Variants in ARHGAP29 observed in about 807,000 individuals in gnomAD.
ARHGAP29 encodes the protein Rho GTPase activating protein 29.
ARHGAP29 carries 43 observed loss-of-function variants against 122.6 expected under a neutral mutation model. That is an observed-to-expected ratio of 0.35 (90% CI 0.27 to 0.45). ARHGAP29 has a LOEUF of 0.45. Among genes scored for constraint, ARHGAP29 ranks in the 20% least tolerant of loss-of-function variants. The pLI is 1.00. For synonymous variants in ARHGAP29, 506 were observed against 497.1 expected (o/e 1.02, Z -0.24); for missense variants, 1,303 against 1,477.2 (o/e 0.88, Z 1.93).
At chr1:94,259,988 CTCTACGGAGTT>C (rs1654496651) in intron 1 of ARHGAP29, among the ~76,000 whole-genome samples, 1 of 152,152 alleles carries the variant, frequency 6.6e-6, no homozygotes, top group African/African-American at 2.4e-5. Context: ...ATGCAAAAGT[CTCTACGGAGTT>C]TCTGTAGAGG....
At chr1:94,226,708 G>C (rs2101601930) in intron 2 of ARHGAP29, among the ~76,000 whole-genome samples, 1 of 151,460 alleles carries the variant, frequency 6.6e-6, no homozygotes, top group East Asian at 1.9e-4. Context: ...ACTGGTACAG[G>C]TGTAATAAAT....
chr1:94,301,259 T>C, the ARHGAP29 span, among the ~76,000 whole-genome samples: 1 of 152,224 alleles, frequency 6.6e-6, no homozygotes, highest in African/African-American at 2.4e-5. Context: ...TCTAGTGAAT[T>C]AGTCAGTTTC....
At chr1:94,308,767 G>C in the ARHGAP29 span, among the ~76,000 whole-genome samples, 5 of 152,278 alleles carry the variant, frequency 3.3e-5, no homozygotes, top group Admixed American at 2.0e-4. Context: ...CTCCCCTGAG[G>C]CTCTGTGGTG....
chr1:94,184,310 T>A (rs183728155), intron 18 of ARHGAP29, 22 bp from the exon 19 acceptor site: 488 of 1,581,208 alleles, frequency 3.1e-4, no homozygotes, highest in Admixed American at 8.5e-4. Flanking sequence ...AAGAAAAAAA[T>A]TTTGCAAAAT....
Position 94,203,946 on chromosome 1 carries a change from G to T in ARHGAP29, c.746C>A (p.Thr249Asn), listed in dbSNP as rs776437130. ...AACACTTACCTGAATTCCAATGTTA[G>T]TTCTAGTTGCCTCTGCCAACTTGAC... ...NMVKLAEATRTNIGIQEFMPL... is the reference protein window; with the variant it reads ...NMVKLAEATRNNIGIQEFMPL... The change falls in exon 8 of 23, where the codon ACT becomes AAT. Residue 249 changes from threonine to asparagine, a missense_variant. By Grantham distance (65) the Thr-to-Asn change is moderately conservative. Coordinates refer to ENST00000260526, the MANE Select transcript of ARHGAP29 (RefSeq NM_004815.4). The T allele has an allele frequency of 1.9e-6, 3 of 1,613,784 alleles. No homozygotes were observed.
chr1:94,201,506 TTCTCTCTCTC>T (rs111304569), intron 12 of ARHGAP29, among the ~76,000 whole-genome samples: 3 of 141,298 alleles, frequency 2.1e-5, no homozygotes, highest in Admixed American at 7.2e-5. Context: ...CCTTCCTTCC[TTCTCTCTCTC>T]TCTCTCTCTC....
At chr1:94,175,833 T>A (rs898687111) in intron 22 of ARHGAP29, among the ~76,000 whole-genome samples, 1 of 152,024 alleles carries the variant, frequency 6.6e-6, no homozygotes, top group Non-Finnish European at 1.5e-5. Flanking sequence ...CCCTCCTGAG[T>A]AGCTGAGATT....
At chr1:94,274,145 G>C (rs1463145682) in intron 1 of ARHGAP29, among the ~76,000 whole-genome samples, 1 of 152,178 alleles carries the variant, frequency 6.6e-6, no homozygotes, top group East Asian at 1.9e-4. Flanking sequence ...TCTAGGGCAG[G>C]AGTTGGCAAA....
chr1:94,282,741 G>A, the ARHGAP29 span, among the ~76,000 whole-genome samples: 2 of 152,266 alleles, frequency 1.3e-5, no homozygotes, highest in South Asian at 4.1e-4. Context: ...TCTGGATGAT[G>A]AGAGGGGAAG....
rs1161982583 is a variant in ARHGAP29 at position 94,172,211 on chromosome 1, T to A, written c.*1658A>T. ...AGTTTCCTTATCTGTAACACAGAAA[T>A]AATAACATGCTTACCCACCCATTAT... On this transcript the variant is annotated 3_prime_UTR_variant, in exon 23 of 23. Coordinates refer to ENST00000260526, the MANE Select transcript of ARHGAP29 (RefSeq NM_004815.4). 2.0e-5 allele frequency: 3 copies of A among 152,144 alleles called. No homozygotes were observed. The highest frequency in any genetic ancestry group is 4.8e-5 in the African/African-American group (2 of 41,440). The allele number at this position is 152,144 out of a possible 1,614,324, so 9.4% of individuals were successfully genotyped here. A position where few individuals can be genotyped will look rare whatever the true frequency, so the allele number is the denominator to read the frequency against.
chr1:94,284,828 G>T, the ARHGAP29 span, among the ~76,000 whole-genome samples: 1 of 152,160 alleles, frequency 6.6e-6, no homozygotes, highest in Admixed American at 6.6e-5. Flanking sequence ...TAAGCCTTGG[G>T]CACAGAAGAA....
At chr1:94,194,305 T>C (rs1650308704) in intron 12 of ARHGAP29, 1 of 152,218 alleles carries the variant, frequency 6.6e-6, no homozygotes, top group South Asian at 2.1e-4. Flanking sequence ...AGAACTTCTA[T>C]TTCTGTTCCA....
intron 3 of ARHGAP29, among the ~76,000 whole-genome samples, chr1:94,220,021 GTT>G (rs1652196816): frequency 6.6e-6 from 1 of 152,170 alleles, no homozygotes; most frequent in Non-Finnish European, 1.5e-5. Flanking sequence ...CAGTTGTTTG[GTT>G]AAAGTTAAGT....
chr1:94,188,968 C>T, intron 14 of ARHGAP29, 27 bp from the exon 15 acceptor site: 1 of 1,597,822 alleles, frequency 6.3e-7, no homozygotes, highest in South Asian at 1.1e-5. Context: ...AAAGTCAAAA[C>T]TTGGCTACAG....
rs1650037609 is a variant in ARHGAP29, at chr1:94,189,956, G to A, written c.1409C>T (p.Thr470Ile). 1 of 1,613,142 alleles carries A rather than the reference G, an allele frequency of 6.2e-7. No individual in the cohort carries two copies. The highest frequency in any genetic ancestry group is 1.3e-5 in the African/African-American group (1 of 74,848). The part of the protein sequence containing the change: ...GQEYSEFVKA[T>I]NSTEEEKVDG... ...AACTTTTTCTTCTTCAGTTGAATTT[G>A]TGGCCTTGACAAATTCACTGTACTC... Residue 470 changes from threonine (T) to isoleucine (I), a missense_variant, in exon 13 of 23, where the codon ACA becomes ATA. Thr to Ile is a moderately conservative substitution (Grantham distance 89, BLOSUM62 -1). Transcript: ENST00000260526.
chr1:94,265,086 C>T (rs1016013452), intron 1 of ARHGAP29, among the ~76,000 whole-genome samples: 2 of 152,224 alleles, frequency 1.3e-5, no homozygotes, highest in Non-Finnish European at 2.9e-5. Context: ...GGCAGTTTGC[C>T]AGCTGCATCT....
At chr1:94,210,229 A>G (rs1651499688) in intron 3 of ARHGAP29, among the ~76,000 whole-genome samples, 1 of 152,178 alleles carries the variant, frequency 6.6e-6, no homozygotes, top group Non-Finnish European at 1.5e-5. Flanking sequence ...TCTCACCAAT[A>G]AAGGGAAGGA....
intron 5 of ARHGAP29, 124 bp downstream of exon 5, chr1:94,208,708 C>G: frequency 2.4e-6 from 2 of 843,726 alleles, no homozygotes; most frequent in Non-Finnish European, 1.9e-6. Flanking sequence ...AATCCGCCCA[C>G]CTCGGCCTCC....
intron 1 of ARHGAP29, among the ~76,000 whole-genome samples, chr1:94,273,930 CA>C (rs1655089675): frequency 6.6e-6 from 1 of 151,678 alleles, no homozygotes; most frequent in African/African-American, 2.4e-5. Context: ...AGAATGTAGG[CA>C]AATGTTTTAA....
Sources: allele counts gnomAD v4.1 joint callset (sites outside exome capture counted in the v4.1 genomes callset), GRCh38; gene constraint gnomAD v4.1.1; transcripts MANE v1.5; gene names NCBI Gene and HGNC (gene_info 2026-07-23, HGNC 2026-07-21).